Variants in JRK observed in about 807,000 individuals in gnomAD.
The protein encoded by JRK is Jrk helix-turn-helix protein.
For synonymous variants in JRK, 303 were observed against 218.1 expected, an observed-to-expected ratio of 1.39 and a Z score of -3.43; for missense variants, 720 against 509.2, an observed-to-expected ratio of 1.41 and a Z score of -3.98.
chr8:142,645,093 C>T, the JRK span, among the ~76,000 whole-genome samples: 1 of 152,054 alleles, frequency 6.6e-6, no homozygotes, highest in African/African-American at 2.4e-5. Context: ...TAATTTCTAG[C>T]CCTATGTCTC....
rs188852749 is a variant in JRK, at chr8:142,664,356, T to A, written c.1703A>T (p.Asn568Ile). 8.8e-5 allele frequency: 137 copies of A among 1,556,554 alleles called. 1 individual carries two copies. In the African/African-American group the frequency reaches 1.6e-3, roughly 18 times the overall value. ...PLPCSSTAGD[N>I] is the part of the protein sequence containing the mutation. ...CAGGGCAGGGCAGAGAAGCCATCAGTTGTCACCTGCTGTGGATGAGCAGGG... is the reference window on the plus strand; with the variant it reads ...CAGGGCAGGGCAGAGAAGCCATCAGATGTCACCTGCTGTGGATGAGCAGGG... The change falls in exon 2 of 2, where the codon AAC becomes ATC. Residue 568 changes from asparagine (N) to isoleucine (I), a missense_variant. Transcript: ENST00000612905.
intron 1 of JRK, among the ~76,000 whole-genome samples, chr8:142,667,667 C>A (rs782461533): frequency 1.3e-5 from 2 of 152,184 alleles, no homozygotes; most frequent in Non-Finnish European, 2.9e-5. Flanking sequence ...GTGCACCCTA[C>A]GAAAAGCTTG....
intron 1 of JRK, among the ~76,000 whole-genome samples, chr8:142,668,847 G>T (rs1354863087): frequency 6.6e-6 from 1 of 151,730 alleles, no homozygotes; most frequent in Non-Finnish European, 1.5e-5. Context: ...TCCACAAGGA[G>T]CCCGTGTCTG....
At position 142,660,279 on chromosome 8, in the gene JRK, C is replaced by A. The variant is rs1554634321; in HGVS notation, c.*4073G>T. The A allele has an allele frequency of 1.0e-6, 1 of 985,744 alleles. No individual in the cohort carries two copies. The highest frequency in any genetic ancestry group is 1.2e-6 in the Non-Finnish European group (1 of 830,268). 61.1% of individuals were successfully genotyped at this position (985,744 alleles called of 1,614,324 possible). A position where few individuals can be genotyped will look rare whatever the true frequency, so the allele number is the denominator to read the frequency against. On this transcript the variant is annotated 3_prime_UTR_variant, in exon 2 of 2. Coordinates refer to ENST00000612905, the MANE Select transcript of JRK (RefSeq NM_003724.4). ...CAGAAGCCCTGCCCAGGCCCTGCCT[C>A]CCAGGCCACCACCCACCCCTCACGG...
At chr8:142,655,872 G>A (rs1361915906), downstream of JRK, among the ~76,000 whole-genome samples, 1 of 152,136 alleles carries the variant, frequency 6.6e-6, no homozygotes, top group Non-Finnish European at 1.5e-5. Context: ...TATTTCTTTA[G>A]TGGTTGTTCT....
chr8:142,664,892 AACCGACGGCC>A lies in JRK; in HGVS notation c.1157_1166del (p.Trp386LeufsTer20). On this transcript the variant is annotated frameshift_variant, in exon 2 of 2. Transcript: ENST00000612905. LOFTEE classifies it low-confidence loss of function (END_TRUNC). ...CAGAGGAGGAGCCTTCGGCAAACGC[AACCGACGGCC>A]ACAGCTTCCTCCAGGCCCGCCTGAA... The A allele has an allele frequency of 8.1e-7, 1 of 1,232,914 alleles. No individual in the cohort carries two copies. The highest frequency in any genetic ancestry group is 1.2e-6 in the Non-Finnish European group (1 of 836,108). 76.4% of individuals were successfully genotyped at this position (1,232,914 alleles called of 1,614,324 possible).
In JRK at chr8:142,658,245, C is replaced by T. The variant is rs1205850429; in HGVS notation, c.*6107G>A. On this transcript the variant is annotated 3_prime_UTR_variant, in exon 2 of 2. Transcript: ENST00000612905. ...TCTCAGTCAGTTTTGATTGCGATAA[C>T]AAAATACCACAGGCTAGGTGTCTTA... is the stretch of plus-strand genomic sequence containing the variant. 6.6e-6 allele frequency: 1 copy of T among 152,270 alleles called. No homozygotes were observed. The highest frequency in any genetic ancestry group is 1.5e-5 in the Non-Finnish European group (1 of 68,054). 9.4% of individuals were successfully genotyped at this position (152,270 alleles called of 1,614,324 possible). A position where few individuals can be genotyped will look rare whatever the true frequency, so the allele number is the denominator to read the frequency against.
chr8:142,647,642 G>A, the JRK span, among the ~76,000 whole-genome samples: 1 of 152,196 alleles, frequency 6.6e-6, no homozygotes, highest in Admixed American at 6.5e-5. Flanking sequence ...CAGCCATGTG[G>A]AGCTGTAAGT....
Position 142,662,650 on chromosome 8 carries a change from G to C in JRK, c.*1702C>G. ...ACACACACTTCCAGGACATAGATAG[G>C]GCTCTGTCAGCAATGACTTTTGCCC... On this transcript the variant is annotated 3_prime_UTR_variant, in exon 2 of 2. Transcript: ENST00000612905. 1.0e-6 allele frequency: 1 copy of C among 985,298 alleles called. No homozygotes were observed. Among genetic ancestry groups the C allele is most frequent in the Non-Finnish European group, 1.2e-6 (1 of 829,892 alleles). 61.0% of individuals were successfully genotyped at this position (985,298 alleles called of 1,614,324 possible).
At chr8:142,648,679 T>C in the JRK span, among the ~76,000 whole-genome samples, 1 of 152,222 alleles carries the variant, frequency 6.6e-6, no homozygotes, top group Admixed American at 6.5e-5. Context: ...GACCCTCTGC[T>C]AGGGCAGTGT....
At position 142,661,292 on chromosome 8, in the gene JRK, C is replaced by T. The variant is rs782457813; in HGVS notation, c.*3060G>A. 33 of 985,340 alleles carry T rather than the reference C, an allele frequency of 3.3e-5. No homozygotes were observed. The highest frequency in any genetic ancestry group is 1.2e-4 in the Admixed American group (2 of 16,268). The allele number at this position is 985,340 out of a possible 1,614,324, so 61.0% of individuals were successfully genotyped here. On this transcript the variant is annotated 3_prime_UTR_variant, in exon 2 of 2. Coordinates refer to ENST00000612905, the MANE Select transcript of JRK (RefSeq NM_003724.4). Reference sequence around the variant, plus strand: ...AACGTAGAAGGGGCTGAAAGACCACCTACCCATCCTAACCCCTGAATTCAC... The same window carrying T: ...AACGTAGAAGGGGCTGAAAGACCACTTACCCATCCTAACCCCTGAATTCAC...
chr8:142,667,667 C>T (rs782461533), intron 1 of JRK, among the ~76,000 whole-genome samples: 1 of 152,184 alleles, frequency 6.6e-6, no homozygotes, highest in Non-Finnish European at 1.5e-5. Context: ...GTGCACCCTA[C>T]GAAAAGCTTG....
chr8:142,660,044 G>A lies in JRK; in HGVS notation c.*4308C>T, dbSNP rs782342293. On this transcript the variant is annotated 3_prime_UTR_variant, in exon 2 of 2. Coordinates refer to ENST00000612905, the MANE Select transcript of JRK (RefSeq NM_003724.4). ...GGAGCTGGGGCTCATGTGGGAGGCT[G>A]GTGGCTGCCATGGCTGCAGCTCCTG... 4.1e-6 allele frequency: 4 copies of A among 986,006 alleles called. No individual in the cohort carries two copies. The highest frequency in any genetic ancestry group is 4.8e-6 in the Non-Finnish European group (4 of 830,342). 61.1% of individuals were successfully genotyped at this position (986,006 alleles called of 1,614,324 possible).
In JRK at chr8:142,665,536, CA is replaced by C; in HGVS notation, c.522del (p.Glu175SerfsTer42). On this transcript the variant is annotated frameshift_variant, in exon 2 of 2. Coordinates refer to ENST00000612905, the MANE Select transcript of JRK (RefSeq NM_003724.4). LOFTEE classifies it low-confidence loss of function (END_TRUNC). ...ACCTGCTCGGCGGACAGCCCGTGCT[CA>C]GCAGCCAAGCTCCTGAAAAACGCAC... ...QFCAFFRSLA[A>X]EHGLSAEQVY... 1 of 718,404 alleles carries C rather than the reference CA, an allele frequency of 1.4e-6. No individual in the cohort carries two copies. Among genetic ancestry groups the C allele is most frequent in the Middle Eastern group, 2.3e-4 (1 of 4,372 alleles). The allele number at this position is 718,404 out of a possible 1,614,324, so 44.5% of individuals were successfully genotyped here.
Position 142,663,218 on chromosome 8 carries a change from A to G in JRK, c.*1134T>C. ...AAAGACGAGGCTAATCACTGTGGAC[A>G]CAGGGCGTTCTGGAATCTCAGCTGC... On this transcript the variant is annotated 3_prime_UTR_variant, in exon 2 of 2. Coordinates refer to ENST00000612905, the MANE Select transcript of JRK (RefSeq NM_003724.4). The G allele has an allele frequency of 1.0e-6, 1 of 985,496 alleles. No individual in the cohort carries two copies. The highest frequency in any genetic ancestry group is 1.2e-6 in the Non-Finnish European group (1 of 829,950). 61.0% of individuals were successfully genotyped at this position (985,496 alleles called of 1,614,324 possible). A position where few individuals can be genotyped will look rare whatever the true frequency, so the allele number is the denominator to read the frequency against.
chr8:142,669,758 C>A (rs1847266639), intron 1 of JRK, among the ~76,000 whole-genome samples, 174 bp downstream of exon 1: 1 of 148,992 alleles, frequency 6.7e-6, no homozygotes. Context: ...CGCTGCCGCC[C>A]GCGGCTGGGT....
chr8:142,656,249 T>C (rs935653971), downstream of JRK, among the ~76,000 whole-genome samples: 1 of 152,228 alleles, frequency 6.6e-6, no homozygotes, highest in Non-Finnish European at 1.5e-5. Flanking sequence ...TTTTCCTACT[T>C]TCTTTGCTTA....
chr8:142,650,470 CAT>C, the JRK span, among the ~76,000 whole-genome samples: 5 of 152,242 alleles, frequency 3.3e-5, no homozygotes, highest in Non-Finnish European at 7.3e-5. Context: ...ACAATTCCCA[CAT>C]GTCGTTGGAG....
chr8:142,668,835 T>C (rs113808806), intron 1 of JRK, among the ~76,000 whole-genome samples: 43 of 151,816 alleles, frequency 2.8e-4, no homozygotes, highest in African/African-American at 8.2e-4. Context: ...CATGGAGACG[T>C]GTCCACAAGG....
Sources: gnomAD v4.1 joint callset for allele counts (sites outside exome capture counted in the v4.1 genomes callset) on GRCh38, gnomAD v4.1.1 for gene constraint, MANE v1.5 for transcripts, NCBI Gene and HGNC (gene_info 2026-07-23, HGNC 2026-07-21) for gene names.